Variants in LAMP5 observed in about 807,000 individuals in gnomAD.
The protein encoded by LAMP5 is lysosome associated membrane protein 5.
A neutral mutation model predicts 30.2 loss-of-function variants in LAMP5; 36 were observed. That is an observed-to-expected ratio of 1.19 (90% CI 0.91 to 1.57). The LOEUF is 1.57. Among genes scored for constraint, LAMP5 ranks in the 40% most tolerant of loss-of-function variants. LAMP5 has a pLI of 0.00. For synonymous variants in LAMP5, 149 were observed against 134.6 expected (o/e 1.11, Z -0.74); for missense variants, 377 against 354.9 (o/e 1.06, Z -0.50).
rs2045022250 is a variant in LAMP5, at chr20:9,514,791, G to A, written c.-62G>A. ...CGGCCCACTCCAGCGGCGACTTTGA[G>A]GGATTCCCTCTCTGGCGGCCTCTGC... On this transcript the variant is annotated 5_prime_UTR_variant, in exon 1 of 6. Transcript: ENST00000246070. The A allele has an allele frequency of 2.6e-6, 4 of 1,536,840 alleles. No individual in the cohort carries two copies. Among genetic ancestry groups the A allele is most frequent in the Non-Finnish European group, 3.6e-6 (4 of 1,112,318 alleles).
chr20:9,516,508 A>T, intron 4 of LAMP5, 147 bp downstream of exon 4: 1 of 694,656 alleles, frequency 1.4e-6, no homozygotes. Context: ...AGGGCGGAAG[A>T]GGCGGGAGCG....
chr20:9,522,959 C>A (rs1163725521), intron 5 of LAMP5, among the ~76,000 whole-genome samples: 1 of 145,004 alleles, frequency 6.9e-6, no homozygotes, highest in Non-Finnish European at 1.5e-5. Flanking sequence ...TTTTTCTTCT[C>A]TAATACTTAA....
At chr20:9,515,766 T>G (rs2045032467) in intron 2 of LAMP5, 141 bp downstream of exon 2, 12 of 1,025,990 alleles carry the variant, frequency 1.2e-5, no homozygotes, top group Admixed American at 5.0e-5. Context: ...TGCATGGGGA[T>G]TCCAGCTTGT....
chr20:9,525,474 T>A (rs1295678310), intron 5 of LAMP5, among the ~76,000 whole-genome samples: 1 of 152,164 alleles, frequency 6.6e-6, no homozygotes, highest in Admixed American at 6.5e-5. Context: ...TCACCCAGGG[T>A]TGGACAGTGG....
In LAMP5 at chr20:9,514,697, C is replaced by G. The variant is rs2045020791; in HGVS notation, c.-156C>G. On this transcript the variant is annotated 5_prime_UTR_variant, in exon 1 of 6. Coordinates refer to ENST00000246070, the MANE Select transcript of LAMP5 (RefSeq NM_012261.4). Reference sequence around the variant, plus strand: ...TCGGTGCCGCGCTCGACACCGAGTCCTAGCTAGGCGCTCACAGAATACGCG... The same window carrying G: ...TCGGTGCCGCGCTCGACACCGAGTCGTAGCTAGGCGCTCACAGAATACGCG... 1 of 650,112 alleles carries G rather than the reference C, an allele frequency of 1.5e-6. No homozygotes were observed. Among genetic ancestry groups the G allele is most frequent in the Admixed American group, 2.5e-5 (1 of 39,510 alleles). The allele number at this position is 650,112 out of a possible 1,614,324, so 40.3% of individuals were successfully genotyped here.
intron 5 of LAMP5, among the ~76,000 whole-genome samples, chr20:9,525,212 C>A (rs917339928): frequency 3.3e-5 from 5 of 152,064 alleles, no homozygotes; most frequent in African/African-American, 1.2e-4. Context: ...GTGAGACATT[C>A]TTTTTTATTA....
intron 5 of LAMP5, among the ~76,000 whole-genome samples, chr20:9,526,901 T>TATATATAC (rs1484307399): frequency 2.8e-4 from 32 of 114,408 alleles, no homozygotes; most frequent in Non-Finnish European, 3.4e-4. Flanking sequence ...TATATATATA[T>TATATATAC]ACACACACAT....
At position 9,529,719 on chromosome 20, in the gene LAMP5, G is replaced by A. The variant is rs755490520; in HGVS notation, c.742G>A (p.Val248Ile). 1.2e-5 allele frequency: 19 copies of A among 1,614,148 alleles called. No homozygotes were observed. The highest frequency in any genetic ancestry group is 2.2e-5 in the East Asian group (1 of 44,878). Residue 248 changes from valine (V) to isoleucine (I), a missense_variant, in exon 6 of 6, where the codon GTC (valine) becomes ATC (isoleucine). Val to Ile is a conservative substitution (Grantham distance 29). Coordinates refer to ENST00000246070, the MANE Select transcript of LAMP5 (RefSeq NM_012261.4). ...GATTTTGGGGCTCATCTTGGGCCTC[G>A]TCATCATGGTAACACTCGCGATTTA... ...PLILGLILGLVIMVTLAIYHV... is the reference protein window; with the variant it reads ...PLILGLILGLIIMVTLAIYHV...
Position 9,529,825 on chromosome 20 carries a change from C to T in LAMP5, c.*5C>T, listed in dbSNP as rs201358672. The T allele has an allele frequency of 7.3e-5, 118 of 1,613,350 alleles. No individual in the cohort carries two copies. The highest frequency in any genetic ancestry group is 9.7e-5 in the Non-Finnish European group (114 of 1,179,470). ...CAGTATAAGCACATGGGCTAGAGGC[C>T]GTTAGGCAGGCACCCCCTATTCCTG... On this transcript the variant is annotated 3_prime_UTR_variant, in exon 6 of 6. Coordinates refer to ENST00000246070, the MANE Select transcript of LAMP5 (RefSeq NM_012261.4).
chr20:9,523,573 G>A (rs1001802352), intron 5 of LAMP5, among the ~76,000 whole-genome samples: 1 of 152,298 alleles, frequency 6.6e-6, no homozygotes, highest in Middle Eastern at 3.4e-3. Context: ...ACTGGCAGCT[G>A]GCAACAGATT....
intron 5 of LAMP5, among the ~76,000 whole-genome samples, chr20:9,528,882 C>A (rs1279912725): frequency 6.6e-6 from 1 of 152,206 alleles, no homozygotes; most frequent in African/African-American, 2.4e-5. Flanking sequence ...AATTTTCTGT[C>A]AGCATAATAT....
intron 5 of LAMP5, among the ~76,000 whole-genome samples, chr20:9,527,563 G>A (rs1485272566): frequency 6.6e-6 from 1 of 152,172 alleles, no homozygotes; most frequent in Non-Finnish European, 1.5e-5. Context: ...GAATACAGTA[G>A]GTACTTAATA....
intron 5 of LAMP5, among the ~76,000 whole-genome samples, chr20:9,518,788 C>T (rs773795991): frequency 2.0e-5 from 3 of 152,210 alleles, no homozygotes; most frequent in East Asian, 1.9e-4. Flanking sequence ...GCTGTGAGTC[C>T]GAGTTTCTGT....
intron 5 of LAMP5, among the ~76,000 whole-genome samples, chr20:9,528,571 G>C (rs556456566): frequency 6.6e-6 from 1 of 151,970 alleles, no homozygotes; most frequent in Non-Finnish European, 1.5e-5. Flanking sequence ...AAGTGTATGC[G>C]CATAACAAAA....
At chr20:9,514,973 G>A in intron 1 of LAMP5, 57 bp downstream of exon 1, 1 of 1,480,904 alleles carries the variant, frequency 6.8e-7, no homozygotes, top group Admixed American at 1.7e-5. Flanking sequence ...AGAGAACAGA[G>A]CCGGCAAAGT....
chr20:9,517,520 C>T (rs1311434669), intron 4 of LAMP5, among the ~76,000 whole-genome samples: 1 of 151,972 alleles, frequency 6.6e-6, no homozygotes, highest in Non-Finnish European at 1.5e-5. Context: ...TCACCACAGC[C>T]TGGAGTAAGC....
rs1384450508 is a variant in LAMP5, at chr20:9,518,174, T to C, written c.610T>C (p.Ser204Pro). The change falls in exon 5 of 6, where the codon TCT (serine) becomes CCT (proline). Residue 204 changes from serine to proline, a missense_variant. Physicochemically the swap from Ser to Pro is moderately conservative, Grantham distance 74 (BLOSUM62 -1). Transcript: ENST00000246070. The stretch of plus-strand genomic sequence containing the variant: ...GCAGAAGACGGTCACCATGATCCTG[T>C]CTGCGGTCCACATCCAACCTTTTGA... The part of the protein sequence containing the change: ...DPQKTVTMIL[S>P]AVHIQPFDII... The C allele has an allele frequency of 6.2e-7, 1 of 1,614,196 alleles. No individual in the cohort carries two copies. The highest frequency in any genetic ancestry group is 2.2e-5 in the East Asian group (1 of 44,888).
chr20:9,515,934 C>G (rs1291389892), intron 2 of LAMP5, 66 bp from the exon 3 acceptor site: 3 of 1,425,986 alleles, frequency 2.1e-6, no homozygotes, highest in Admixed American at 3.1e-5. Context: ...TTGGACGCGC[C>G]GCCCTTTACA....
intron 5 of LAMP5, among the ~76,000 whole-genome samples, chr20:9,521,903 C>T (rs761298171): frequency 6.6e-6 from 1 of 152,178 alleles, no homozygotes; most frequent in Non-Finnish European, 1.5e-5. Flanking sequence ...ATTTAAAAGA[C>T]ATCACATATA....
Sources: allele counts gnomAD v4.1 joint callset (sites outside exome capture counted in the v4.1 genomes callset), GRCh38; gene constraint gnomAD v4.1.1; transcripts MANE v1.5; gene names NCBI Gene and HGNC (gene_info 2026-07-23, HGNC 2026-07-21).